The following CTNNA3 variants were observed in gnomAD, a reference collection of about 807,000 sequenced individuals.
CTNNA3 encodes catenin alpha-3.
Under a neutral mutation model 95.7 loss-of-function variants are expected in CTNNA3, and 76 were observed. The observed-to-expected ratio is 0.79, with a 90% CI of 0.66 to 0.96. CTNNA3 has a LOEUF of 0.96. Among genes scored for constraint, CTNNA3 ranks in the 40% least tolerant of loss-of-function variants. CTNNA3 has a pLI of 0.00. For missense variants in CTNNA3, 1,191 were observed against 1,089.8 expected (o/e 1.09, Z -1.31); for synonymous variants, 431 against 374.4 (o/e 1.15, Z -1.74).
Position 66,903,094 on chromosome 10 carries a change from A to C in CTNNA3, c.1048-127570T>G, listed in dbSNP as rs1422704190. Among the ~76,000 whole-genome samples, 9 of 152,294 alleles carry C rather than the reference A, an allele frequency of 5.9e-5. No individual in the cohort carries two copies. The East Asian group carries it at 1.7e-3, about 29-fold the overall frequency. ...AACAAAAAAAGAGAATTTTAGACCA[A>C]TATCCCTGAAGAACACCGATGCAAA... On this transcript the variant is annotated intron_variant, in intron 7 of 17. Transcript: ENST00000433211.
chr10:67,121,981 CAAAA>C lies in CTNNA3; in HGVS notation c.1047+58332_1047+58335del, dbSNP rs370358378. Among the ~76,000 whole-genome samples, 13 of 47,142 alleles carry C rather than the reference CAAAA, an allele frequency of 2.8e-4. No homozygotes were observed. In the East Asian group the frequency reaches 4.2e-3, roughly 15 times the overall value. 30.9% of individuals were successfully genotyped at this position (47,142 alleles called of 152,430 possible). ...CGCTCTTAGCCAACATTATTCTGAG[CAAAA>C]AAAAAAAAAAAAAAAAAAAAAAAGC... On this transcript the variant is annotated intron_variant, in intron 7 of 17. Transcript: ENST00000433211.
At chr10:67,349,312 T>C (rs1842548065) in intron 5 of CTNNA3, among the ~76,000 whole-genome samples, 1 of 151,956 alleles carries the variant, frequency 6.6e-6, no homozygotes, top group Non-Finnish European at 1.5e-5. Flanking sequence ...TAAATGTCCA[T>C]CAACAAATGA....
chr10:67,294,940 T>A (rs375878586), intron 5 of CTNNA3, among the ~76,000 whole-genome samples: 1 of 152,230 alleles, frequency 6.6e-6, no homozygotes, highest in Non-Finnish European at 1.5e-5. Flanking sequence ...ATTAGAGGAA[T>A]AGAATGTTCT....
At chr10:67,607,421 GATC>G (rs1419383196) in intron 2 of CTNNA3, among the ~76,000 whole-genome samples, 4 of 152,170 alleles carry the variant, frequency 2.6e-5, no homozygotes, top group African/African-American at 9.6e-5. Context: ...AGTAGAAATG[GATC>G]ATCATAAAGG....
intron 7 of CTNNA3, among the ~76,000 whole-genome samples, chr10:67,063,327 C>T (rs1589683145): frequency 6.6e-6 from 1 of 152,088 alleles, no homozygotes; most frequent in African/African-American, 2.4e-5. Context: ...ACAACATAGC[C>T]TGAGATAGGA....
intron 11 of CTNNA3, among the ~76,000 whole-genome samples, chr10:66,480,458 C>A (rs1463754671): frequency 1.3e-5 from 2 of 152,108 alleles, no homozygotes; most frequent in Non-Finnish European, 2.9e-5. Context: ...ATTATTCATT[C>A]ACTTATTTAA....
chr10:67,002,202 G>A (rs1284431530), intron 7 of CTNNA3, among the ~76,000 whole-genome samples: 1 of 152,054 alleles, frequency 6.6e-6, no homozygotes, highest in Non-Finnish European at 1.5e-5. Flanking sequence ...AAACAGAGTC[G>A]AATGGGAAGC....
At chr10:67,008,900 C>G (rs1852164742) in intron 7 of CTNNA3, among the ~76,000 whole-genome samples, 1 of 152,026 alleles carries the variant, frequency 6.6e-6, no homozygotes, top group Non-Finnish European at 1.5e-5. Context: ...TCTTGTGTAA[C>G]TTCTTATGGG....
intron 5 of CTNNA3, among the ~76,000 whole-genome samples, chr10:67,371,874 A>G (rs924002062): frequency 9.2e-5 from 14 of 152,170 alleles, no homozygotes; most frequent in Non-Finnish European, 1.9e-4. Context: ...ATTTCTCCAC[A>G]TCCTCTCCAG....
chr10:66,636,162 C>A (rs1473351851), intron 9 of CTNNA3, among the ~76,000 whole-genome samples: 5 of 151,958 alleles, frequency 3.3e-5, no homozygotes, highest in Admixed American at 3.3e-4. Flanking sequence ...GTCCCTGAAT[C>A]TCAGGAGGGC....
At chr10:67,552,933 A>G (rs2133232805) in intron 3 of CTNNA3, among the ~76,000 whole-genome samples, 2 of 152,198 alleles carry the variant, frequency 1.3e-5, no homozygotes, top group South Asian at 4.2e-4. Context: ...ATGCAATACT[A>G]TTTTGAGTGG....
chr10:66,926,609 C>A (rs1294773478), intron 7 of CTNNA3: 1 of 1,613,442 alleles, frequency 6.2e-7, no homozygotes, highest in African/African-American at 1.3e-5. Context: ...CATTTTTCTT[C>A]TTTCCTTCTT....
At chr10:66,334,022 G>A (rs1363379092) in intron 12 of CTNNA3, among the ~76,000 whole-genome samples, 1 of 152,052 alleles carries the variant, frequency 6.6e-6, no homozygotes, top group Non-Finnish European at 1.5e-5. Flanking sequence ...TCGGTTTAAA[G>A]TCTGTTTTAT....
At chr10:66,648,916 G>A (rs1417302838) in intron 9 of CTNNA3, among the ~76,000 whole-genome samples, 1 of 152,168 alleles carries the variant, frequency 6.6e-6, no homozygotes, top group Non-Finnish European at 1.5e-5. Context: ...TAGCTGGGTT[G>A]TTAAGGCAAA....
chr10:67,610,088 A>C (rs1843409766), intron 2 of CTNNA3, among the ~76,000 whole-genome samples: 1 of 152,218 alleles, frequency 6.6e-6, no homozygotes, highest in South Asian at 2.1e-4. Context: ...TAAAACAAAG[A>C]ATAAGTATCA....
At chr10:65,942,997 C>T (rs554029584) in intron 17 of CTNNA3, among the ~76,000 whole-genome samples, 9 of 151,662 alleles carry the variant, frequency 5.9e-5, no homozygotes, top group Non-Finnish European at 1.0e-4. Flanking sequence ...CGATATATAA[C>T]AAGCGCTAGT....
At chr10:66,346,583 T>C (rs75165777) in intron 12 of CTNNA3, among the ~76,000 whole-genome samples, 7,111 of 152,040 alleles carry the variant, frequency 0.047, 266 homozygotes, top group Non-Finnish European at 0.062. Context: ...GGCCAAATAG[T>C]AAATATATTC....
chr10:66,318,206 T>C (rs2092127860), intron 12 of CTNNA3, among the ~76,000 whole-genome samples: 5 of 151,582 alleles, frequency 3.3e-5, no homozygotes. Flanking sequence ...AAGTCATCTA[T>C]GAATAGTTAG....
At chr10:66,771,340 A>AT (rs1363322327) in intron 8 of CTNNA3, among the ~76,000 whole-genome samples, 1 of 152,192 alleles carries the variant, frequency 6.6e-6, no homozygotes, top group Admixed American at 6.6e-5. Flanking sequence ...TGTTGCTTAA[A>AT]TTTTTTTATA....
Sources: gnomAD v4.1 joint callset for allele counts (sites outside exome capture counted in the v4.1 genomes callset) on GRCh38, gnomAD v4.1.1 for gene constraint, MANE v1.5 for transcripts, NCBI Gene and HGNC (gene_info 2026-07-23, HGNC 2026-07-21) for gene names.